The following DGKE variants were observed in gnomAD, a reference collection of about 807,000 sequenced individuals.
DGKE encodes DAG kinase epsilon.
Under a neutral mutation model 70.0 loss-of-function variants are expected in DGKE, and 53 were observed. That is an observed-to-expected ratio of 0.76 (90% confidence interval 0.61 to 0.95). The LOEUF is 0.95. Ranked by LOEUF, DGKE falls within the 40% of genes least tolerant of loss-of-function variation. The pLI, the probability that DGKE is intolerant of heterozygous loss-of-function variation, is 0.00. For synonymous variants in DGKE, 291 were observed against 257.0 expected (o/e 1.13, Z -1.27); for missense variants, 655 against 706.9 (o/e 0.93, Z 0.83).
chr17:56,844,046 T>G lies in DGKE; in HGVS notation c.492T>G (p.His164Gln). 1 of 1,569,458 alleles carries G rather than the reference T, an allele frequency of 6.4e-7. No homozygotes were observed. Among genetic ancestry groups the G allele is most frequent in the Non-Finnish European group, 8.6e-7 (1 of 1,164,630 alleles). Residue 164 changes from histidine to glutamine, a missense_variant, in exon 3 of 12, where the codon CAT becomes CAG. By Grantham distance (24) the His-to-Gln change is conservative. Coordinates refer to ENST00000284061, the MANE Select transcript of DGKE (RefSeq NM_003647.3). ...GCATTTGGTGCCAGAAAACAGTACA[T>G]GATGAGTGCATGAAAAATAGTTTAA... Reference protein sequence around the residue: ...YRCIWCQKTVHDECMKNSLKN... With the variant: ...YRCIWCQKTVQDECMKNSLKN...
At chr17:56,840,743 G>T (rs1906925901) in intron 2 of DGKE, among the ~76,000 whole-genome samples, 1 of 152,144 alleles carries the variant, frequency 6.6e-6, no homozygotes, top group Non-Finnish European at 1.5e-5. Context: ...GCCCCAGAAG[G>T]TTAAGAAGCA....
At chr17:56,859,122 G>A (rs186628993) in intron 9 of DGKE, among the ~76,000 whole-genome samples, 14 of 151,446 alleles carry the variant, frequency 9.2e-5, no homozygotes, top group African/African-American at 3.1e-4. Flanking sequence ...TATTTTTGTC[G>A]GGTATCTCTC....
chr17:56,856,742 C>A, intron 8 of DGKE, 117 bp downstream of exon 8: 1 of 1,308,606 alleles, frequency 7.6e-7, no homozygotes, highest in Non-Finnish European at 1.0e-6. Flanking sequence ...AAATATTTAC[C>A]TGCTCTGTTT....
At chr17:56,850,091 GA>G (rs1907557306) in intron 7 of DGKE, among the ~76,000 whole-genome samples, 1 of 151,868 alleles carries the variant, frequency 6.6e-6, no homozygotes, top group Non-Finnish European at 1.5e-5. Flanking sequence ...AGTGAGAGGG[GA>G]AAAGAGGGCC....
chr17:56,834,411 C>T (rs1390696470), intron 1 of DGKE, among the ~76,000 whole-genome samples, 151 bp downstream of exon 1: 1 of 152,204 alleles, frequency 6.6e-6, no homozygotes, highest in African/African-American at 2.4e-5. Context: ...TTACGGGCGC[C>T]GACCGGCGTT....
At chr17:56,846,080 G>A in intron 4 of DGKE, 1 of 161,110 alleles carries the variant, frequency 6.2e-6, no homozygotes, top group Non-Finnish European at 1.1e-5. Context: ...CTACCCAAGG[G>A]AAGTGAAAAC....
At position 56,862,677 on chromosome 17, in the gene DGKE, C is replaced by G. The variant is rs766278449; in HGVS notation, c.1590C>G (p.Cys530Trp). ...VDGEPWAQGP[C>W]TVTITHKTHA... ...GGGAGCCTTGGGCCCAAGGGCCCTG[C>G]ACTGTCACCATAACTCACAAGACAC... Residue 530 changes from cysteine to tryptophan, a missense_variant, in exon 12 of 12, where the codon TGC (cysteine) becomes TGG (tryptophan). By Grantham distance (215) the Cys-to-Trp change is radical. Coordinates refer to ENST00000284061, the MANE Select transcript of DGKE (RefSeq NM_003647.3). The G allele has an allele frequency of 2.5e-6, 4 of 1,609,376 alleles. No individual in the cohort carries two copies.
chr17:56,854,298 A>T (rs927515755), intron 7 of DGKE, among the ~76,000 whole-genome samples: 1 of 151,722 alleles, frequency 6.6e-6, no homozygotes, highest in Admixed American at 6.6e-5. Flanking sequence ...GCTAAAAGAG[A>T]GGTTTTTTGT....
chr17:56,837,240 C>G (rs954598639), intron 2 of DGKE, among the ~76,000 whole-genome samples: 1 of 152,040 alleles, frequency 6.6e-6, no homozygotes, highest in African/African-American at 2.4e-5. Flanking sequence ...AACCCTAGCC[C>G]AACCCCAGAC....
Position 56,845,676 on chromosome 17 carries a change from G to A in DGKE, c.625-14G>A. The A allele has an allele frequency of 6.2e-7, 1 of 1,600,794 alleles. No individual in the cohort carries two copies. Among genetic ancestry groups the A allele is most frequent in the Non-Finnish European group, 8.5e-7 (1 of 1,175,320 alleles). ...AAGATACTAAACCTTTTCACTCATG[G>A]CAATTTTTTTTAGCTAGCCTCTAAG... On this transcript the variant is annotated splice_polypyrimidine_tract_variant and intron_variant, in intron 3 of 11. Coordinates refer to ENST00000284061, the MANE Select transcript of DGKE (RefSeq NM_003647.3).
At position 56,834,834 on chromosome 17, in the gene DGKE, C is replaced by T. The variant is rs778847844; in HGVS notation, c.39C>T (p.Ser13=). The change falls in exon 2 of 12, where the codon TCC becomes TCT. Residue 13 remains serine (S), a synonymous_variant. Transcript: ENST00000284061. ...GGCGGCCGGCGCCGGGCTCGCCCTC[C>T]GAGGGCCTGTTTGCGGACGGGCACC... ...AERRPAPGSP[S]EGLFADGHLI... 7.5e-6 allele frequency: 12 copies of T among 1,609,786 alleles called. No homozygotes were observed. The East Asian group carries it at 2.7e-4, about 36-fold the overall frequency.
At chr17:56,851,048 T>C (rs1022131196) in intron 7 of DGKE, among the ~76,000 whole-genome samples, 1 of 152,136 alleles carries the variant, frequency 6.6e-6, no homozygotes, top group African/African-American at 2.4e-5. Context: ...TAGCAAATAA[T>C]ACAGAGAGAG....
chr17:56,837,139 A>G (rs1194842260), intron 2 of DGKE, among the ~76,000 whole-genome samples: 1 of 152,242 alleles, frequency 6.6e-6, no homozygotes, highest in Non-Finnish European at 1.5e-5. Context: ...AGCAGATAAA[A>G]ATAAAATATT....
intron 9 of DGKE, among the ~76,000 whole-genome samples, chr17:56,860,408 G>C (rs1338634881): frequency 6.6e-6 from 1 of 152,066 alleles, no homozygotes; most frequent in African/African-American, 2.4e-5. Flanking sequence ...ATGTACCTGT[G>C]GTCCTAGCTG....
chr17:56,863,001 A>T lies in DGKE; in HGVS notation c.*210A>T, dbSNP rs982461227. The T allele has an allele frequency of 2.4e-6, 1 of 420,604 alleles. No individual in the cohort carries two copies. Among genetic ancestry groups the T allele is most frequent in the East Asian group, 3.9e-5 (1 of 25,872 alleles). The allele number at this position is 420,604 out of a possible 1,614,324, so 26.1% of individuals were successfully genotyped here. On this transcript the variant is annotated 3_prime_UTR_variant, in exon 12 of 12. Transcript: ENST00000284061. ...TTCTTTTTTCAGCAAAATACTTCAA[A>T]TGAATAGTATTAACTTACAAAAAGT...
Position 56,849,197 on chromosome 17 carries a change from A to G in DGKE, c.1063A>G (p.Thr355Ala), listed in dbSNP as rs1907499253. The change falls in exon 7 of 12, where the codon ACA becomes GCA. Residue 355 changes from threonine to alanine, a missense_variant. Physicochemically the swap from Thr to Ala is moderately conservative, Grantham distance 58. Transcript: ENST00000284061. ...GTTTTTTAGATGGAAAGTTCAAGTAACAAATAAAGGATACTACAACTTAAG... is the reference window on the plus strand; with the variant it reads ...GTTTTTTAGATGGAAAGTTCAAGTAGCAAATAAAGGATACTACAACTTAAG... ...IKLDRWKVQV[T>A]NKGYYNLRKP... 2 of 1,610,366 alleles carry G rather than the reference A, an allele frequency of 1.2e-6. No homozygotes were observed. Among genetic ancestry groups the G allele is most frequent in the South Asian group, 1.1e-5 (1 of 90,100 alleles).
intron 9 of DGKE, 52 bp downstream of exon 9, chr17:56,858,717 A>T (rs191104060): frequency 1.7e-4 from 223 of 1,331,686 alleles, no homozygotes; most frequent in Non-Finnish European, 1.9e-5. Context: ...TCTCTGGATT[A>T]TGAAGACTTT....
intron 7 of DGKE, among the ~76,000 whole-genome samples, chr17:56,853,644 A>G (rs1008551413): frequency 6.6e-6 from 1 of 152,152 alleles, no homozygotes; most frequent in Non-Finnish European, 1.5e-5. Context: ...TTTCTATCCT[A>G]TTTCATTGGT....
At chr17:56,848,998 G>C in intron 6 of DGKE, 145 bp downstream of exon 6, 1 of 1,308,664 alleles carries the variant, frequency 7.6e-7, no homozygotes, top group Non-Finnish European at 1.0e-6. Flanking sequence ...CTGGTGTTTT[G>C]TTTTATTATG....
Sources: allele counts gnomAD v4.1 joint callset (sites outside exome capture counted in the v4.1 genomes callset), GRCh38; gene constraint gnomAD v4.1.1; transcripts MANE v1.5; gene names NCBI Gene and HGNC (gene_info 2026-07-23, HGNC 2026-07-21).